The following LAMTOR2 variants were observed in gnomAD, a reference collection of about 807,000 sequenced individuals.
The protein encoded by LAMTOR2 is late endosomal/lysosomal adaptor, MAPK and MTOR activator 2.
LAMTOR2 carries 4 observed loss-of-function variants against 15.8 expected under a neutral mutation model. The observed-to-expected ratio is 0.25, with a 90% CI of 0.12 to 0.58. The LOEUF (loss-of-function observed/expected upper bound fraction) is 0.58, where lower values mean the gene tolerates loss of function less well. Among genes scored for constraint, LAMTOR2 ranks in the 20% least tolerant of loss-of-function variants. LAMTOR2 has a pLI of 0.91. For synonymous variants in LAMTOR2, 62 were observed against 64.1 expected (o/e 0.97, Z 0.15); for missense variants, 100 against 161.0 (o/e 0.62, Z 2.05).
Position 156,058,410 on chromosome 1 carries a change from C to T in LAMTOR2, c.*39C>T, listed in dbSNP as rs900515030. On this transcript the variant is annotated 3_prime_UTR_variant, in exon 4 of 4. Transcript: ENST00000368305. ...AGCTGGGGTCAGAAAAGAGAAATGA[C>T]CATTTGGAGGGGCGGGGCCTCCTAG... 2 of 1,611,356 alleles carry T rather than the reference C, an allele frequency of 1.2e-6. No individual in the cohort carries two copies. Among genetic ancestry groups the T allele is most frequent in the Non-Finnish European group, 1.7e-6 (2 of 1,177,590 alleles).
In LAMTOR2 at chr1:156,058,453, A is replaced by G. The variant is rs1395774537; in HGVS notation, c.*82A>G. 5.7e-6 allele frequency: 8 copies of G among 1,409,562 alleles called. No individual in the cohort carries two copies. In the South Asian group the frequency reaches 8.1e-5, roughly 14 times the overall value. The allele number at this position is 1,409,562 out of a possible 1,614,324, so 87.3% of individuals were successfully genotyped here. ...CCTCCTAGAAGAACCTTCTTAGACA[A>G]TGGGGGGAGGATGGGACTTTGTTTT... On this transcript the variant is annotated 3_prime_UTR_variant, in exon 4 of 4. Transcript: ENST00000368305.
chr1:156,057,967 A>T lies in LAMTOR2; in HGVS notation c.232-11A>T, dbSNP rs1245043204. 6.2e-7 allele frequency: 1 copy of T among 1,612,626 alleles called. No homozygotes were observed. The highest frequency in any genetic ancestry group is 8.5e-7 in the Non-Finnish European group (1 of 1,179,444). On this transcript the variant is annotated splice_polypyrimidine_tract_variant and intron_variant, in intron 2 of 3. Transcript: ENST00000368305. ...GCAGAACATCACATCCCATCATATCACCCCCACCAGGAGGGCCGTGTAGCC... is the reference window on the plus strand; with the variant it reads ...GCAGAACATCACATCCCATCATATCTCCCCCACCAGGAGGGCCGTGTAGCC...
At position 156,058,348 on chromosome 1, in the gene LAMTOR2, C is replaced by T. The variant is rs1198283062; in HGVS notation, c.355C>T (p.Leu119Phe). 1.2e-6 allele frequency: 2 copies of T among 1,614,092 alleles called. No homozygotes were observed. The highest frequency in any genetic ancestry group is 3.3e-5 in the Admixed American group (2 of 60,008). The change falls in exon 4 of 4, where the codon CTC becomes TTC. Residue 119 changes from leucine (L) to phenylalanine (F), a missense_variant. Physicochemically the swap from Leu to Phe is conservative, Grantham distance 22. Transcript: ENST00000368305. ...QALVQYLEEPLTQVAAS is the reference protein window; with the variant it reads ...QALVQYLEEPFTQVAAS Reference sequence around the variant, plus strand: ...TTTGGTGCAGTACCTGGAGGAGCCCCTCACCCAAGTGGCGGCATCTTAACG... The same window carrying T: ...TTTGGTGCAGTACCTGGAGGAGCCCTTCACCCAAGTGGCGGCATCTTAACG...
chr1:156,055,459 C>T lies in LAMTOR2; in HGVS notation c.231+34C>T. ...AGGGGAGCCAGACTTCCCCTGTCCC[C>T]CAAAGGGGATCCCAAGGGGGCGACC... On this transcript the variant is annotated intron_variant, in intron 2 of 3. Transcript: ENST00000368305. This position sits in a 1 kb window ranked among gnomAD's most constrained non-coding sequence, Gnocchi z 4.8. 1 of 1,613,304 alleles carries T rather than the reference C, an allele frequency of 6.2e-7. No individual in the cohort carries two copies. Among genetic ancestry groups the T allele is most frequent in the Non-Finnish European group, 8.5e-7 (1 of 1,179,414 alleles).
chr1:156,054,793 G>C lies in LAMTOR2; in HGVS notation c.-97G>C, dbSNP rs1647264788. Reference sequence around the variant, plus strand: ...AAACTACAACTCCCAGGGCGTCCCGGAGCAGGCCAACGGGACTACGGGAAG... The same window carrying C: ...AAACTACAACTCCCAGGGCGTCCCGCAGCAGGCCAACGGGACTACGGGAAG... On this transcript the variant is annotated 5_prime_UTR_variant, in exon 1 of 4. Coordinates refer to ENST00000368305, the MANE Select transcript of LAMTOR2 (RefSeq NM_014017.4). The C allele has an allele frequency of 8.0e-7, 1 of 1,243,226 alleles. No individual in the cohort carries two copies. Among genetic ancestry groups the C allele is most frequent in the Non-Finnish European group, 1.2e-6 (1 of 859,718 alleles). 77.0% of individuals were successfully genotyped at this position (1,243,226 alleles called of 1,614,324 possible).
intron 2 of LAMTOR2, among the ~76,000 whole-genome samples, chr1:156,057,713 AG>A (rs1022001200): frequency 2.0e-5 from 3 of 152,158 alleles, no homozygotes; most frequent in Non-Finnish European, 4.4e-5. Context: ...GGGATGAGGT[AG>A]GGATTACAGA....
intron 2 of LAMTOR2, among the ~76,000 whole-genome samples, chr1:156,056,797 T>G (rs1647385380): frequency 6.6e-6 from 1 of 152,186 alleles, no homozygotes; most frequent in South Asian, 2.1e-4. Flanking sequence ...CCATTTTTAG[T>G]TCAACATATG....
In LAMTOR2 at chr1:156,055,875, G is replaced by A. The variant is rs1647350890; in HGVS notation, c.231+450G>A. ...GAACCATGGCAGTCTCCAGACCCTAGTCCAACCCCTTAAGCTTTCAAAGAA... is the reference window on the plus strand; with the variant it reads ...GAACCATGGCAGTCTCCAGACCCTAATCCAACCCCTTAAGCTTTCAAAGAA... On this transcript the variant is annotated intron_variant, in intron 2 of 3. Transcript: ENST00000368305. The surrounding 1 kb of genome is among the most constrained non-coding windows in gnomAD (Gnocchi z 4.8). The A allele has an allele frequency of 4.7e-6, 1 of 211,534 alleles. No homozygotes were observed. The highest frequency in any genetic ancestry group is 7.5e-5 in the South Asian group (1 of 13,250). The allele number at this position is 211,534 out of a possible 1,614,324, so 13.1% of individuals were successfully genotyped here. A position where few individuals can be genotyped will look rare whatever the true frequency, so the allele number is the denominator to read the frequency against.
At position 156,055,700 on chromosome 1, in the gene LAMTOR2, T is replaced by C; in HGVS notation, c.231+275T>C. ...GGTAAGTCGCTTAACCTCTCTCAGC[T>C]TCCTTACCTCATGTTTAAGGAGAAG... On this transcript the variant is annotated intron_variant, in intron 2 of 3. Coordinates refer to ENST00000368305, the MANE Select transcript of LAMTOR2 (RefSeq NM_014017.4). The surrounding 1 kb of genome is among the most constrained non-coding windows in gnomAD (Gnocchi z 4.8). 2.0e-6 allele frequency: 1 copy of C among 496,288 alleles called. No individual in the cohort carries two copies. The highest frequency in any genetic ancestry group is 3.7e-6 in the Non-Finnish European group (1 of 271,730). The allele number at this position is 496,288 out of a possible 1,614,324, so 30.7% of individuals were successfully genotyped here. A position where few individuals can be genotyped will look rare whatever the true frequency, so the allele number is the denominator to read the frequency against.
chr1:156,055,096 T>C lies in LAMTOR2; in HGVS notation c.68+139T>C. On this transcript the variant is annotated intron_variant, in intron 1 of 3. Coordinates refer to ENST00000368305, the MANE Select transcript of LAMTOR2 (RefSeq NM_014017.4). This position sits in a 1 kb window ranked among gnomAD's most constrained non-coding sequence, Gnocchi z 4.8. Reference sequence around the variant, plus strand: ...GCGGCTGGGGATACCGGCCGGGAGGTCCCCTGTCGAAAAGGGAAGCCGGTG... The same window carrying C: ...GCGGCTGGGGATACCGGCCGGGAGGCCCCCTGTCGAAAAGGGAAGCCGGTG... 1 of 1,343,364 alleles carries C rather than the reference T, an allele frequency of 7.4e-7. No homozygotes were observed. Among genetic ancestry groups the C allele is most frequent in the Non-Finnish European group, 1.1e-6 (1 of 942,156 alleles). The allele number at this position is 1,343,364 out of a possible 1,614,324, so 83.2% of individuals were successfully genotyped here.
In LAMTOR2 at chr1:156,055,848, C is replaced by G. The variant is rs570810546; in HGVS notation, c.231+423C>G. 70 of 247,750 alleles carry G rather than the reference C, an allele frequency of 2.8e-4. No individual in the cohort carries two copies. The highest frequency in any genetic ancestry group is 1.4e-3 in the African/African-American group (66 of 45,692). 15.3% of individuals were successfully genotyped at this position (247,750 alleles called of 1,614,324 possible). A position where few individuals can be genotyped will look rare whatever the true frequency, so the allele number is the denominator to read the frequency against. ...TTGTCATCCCAGTTTCACCGACTCA[C>G]AGAACCATGGCAGTCTCCAGACCCT... On this transcript the variant is annotated intron_variant, in intron 2 of 3. Transcript: ENST00000368305. This position sits in a 1 kb window ranked among gnomAD's most constrained non-coding sequence, Gnocchi z 4.8.
At position 156,055,958 on chromosome 1, in the gene LAMTOR2, T is replaced by G. The variant is rs1426852518; in HGVS notation, c.231+533T>G. 5.8e-6 allele frequency: 1 copy of G among 171,770 alleles called. No individual in the cohort carries two copies. Among genetic ancestry groups the G allele is most frequent in the African/African-American group, 2.4e-5 (1 of 42,060 alleles). 10.6% of individuals were successfully genotyped at this position (171,770 alleles called of 1,614,324 possible). A position where few individuals can be genotyped will look rare whatever the true frequency, so the allele number is the denominator to read the frequency against. ...ATTAGATTGTGAACTTCTTAGTATCTGTTCGGTCGACAAGTATTTAGGTCC... is the reference window on the plus strand; with the variant it reads ...ATTAGATTGTGAACTTCTTAGTATCGGTTCGGTCGACAAGTATTTAGGTCC... On this transcript the variant is annotated intron_variant, in intron 2 of 3. Transcript: ENST00000368305. This position sits in a 1 kb window ranked among gnomAD's most constrained non-coding sequence, Gnocchi z 4.8.
Position 156,055,051 on chromosome 1 carries a change from A to C in LAMTOR2, c.68+94A>C, listed in dbSNP as rs1647290066. ...GGTGGGGAAGGATCACCAGGAAGGGAGGAAGCGGCAGAGGGGGCAGCGGCT... is the reference window on the plus strand; with the variant it reads ...GGTGGGGAAGGATCACCAGGAAGGGCGGAAGCGGCAGAGGGGGCAGCGGCT... On this transcript the variant is annotated intron_variant, in intron 1 of 3. Coordinates refer to ENST00000368305, the MANE Select transcript of LAMTOR2 (RefSeq NM_014017.4). This position sits in a 1 kb window ranked among gnomAD's most constrained non-coding sequence, Gnocchi z 4.8. The C allele has an allele frequency of 6.9e-7, 1 of 1,453,666 alleles. No homozygotes were observed. Among genetic ancestry groups the C allele is most frequent in the African/African-American group, 1.4e-5 (1 of 71,464 alleles). 90.0% of individuals were successfully genotyped at this position (1,453,666 alleles called of 1,614,324 possible). A position where few individuals can be genotyped will look rare whatever the true frequency, so the allele number is the denominator to read the frequency against.
chr1:156,057,054 T>A (rs947141925), intron 2 of LAMTOR2, among the ~76,000 whole-genome samples: 1 of 151,622 alleles, frequency 6.6e-6, no homozygotes, highest in Non-Finnish European at 1.5e-5. Flanking sequence ...GGTGCGTGCC[T>A]GTAATCCCAG....
chr1:156,055,407 C>A lies in LAMTOR2; in HGVS notation c.213C>A (p.Phe71Leu). The A allele has an allele frequency of 6.2e-7, 1 of 1,614,234 alleles. No homozygotes were observed. The highest frequency in any genetic ancestry group is 8.5e-7 in the Non-Finnish European group (1 of 1,180,046). ...CGTTTAATGAAGACAATCTCAAATT[C>A]ATCCTCATGGACTGCATGGTATGGA... Reference protein sequence around the residue: ...NQAFNEDNLKFILMDCMEGRV... With the variant: ...NQAFNEDNLKLILMDCMEGRV... Residue 71 changes from phenylalanine (F) to leucine (L), a missense_variant, in exon 2 of 4, where the codon TTC (phenylalanine) becomes TTA (leucine). Phe to Leu is a conservative substitution (Grantham distance 22). Transcript: ENST00000368305. The surrounding 1 kb of genome is among the most constrained non-coding windows in gnomAD (Gnocchi z 4.8).
rs1324696421 is a variant in LAMTOR2 at position 156,055,519 on chromosome 1, C to G, written c.231+94C>G. ...TCCTGGATGGTTGGAGGGGCAGGGACAGGATCTCCGGAAGATTACTAAGAG... is the reference window on the plus strand; with the variant it reads ...TCCTGGATGGTTGGAGGGGCAGGGAGAGGATCTCCGGAAGATTACTAAGAG... On this transcript the variant is annotated intron_variant, in intron 2 of 3. Transcript: ENST00000368305. This position sits in a 1 kb window ranked among gnomAD's most constrained non-coding sequence, Gnocchi z 4.8. 1 of 1,420,116 alleles carries G rather than the reference C, an allele frequency of 7.0e-7. No homozygotes were observed. Among genetic ancestry groups the G allele is most frequent in the Non-Finnish European group, 9.9e-7 (1 of 1,009,216 alleles). 88.0% of individuals were successfully genotyped at this position (1,420,116 alleles called of 1,614,324 possible).
At chr1:156,057,634 A>G (rs1476077143) in intron 2 of LAMTOR2, among the ~76,000 whole-genome samples, 2 of 152,152 alleles carry the variant, frequency 1.3e-5, no homozygotes, top group African/African-American at 4.8e-5. Flanking sequence ...AGCTCACAGT[A>G]ATAACATCAC....
chr1:156,057,554 TA>T (rs1314669663), intron 2 of LAMTOR2, among the ~76,000 whole-genome samples: 1 of 152,170 alleles, frequency 6.6e-6, no homozygotes, highest in Non-Finnish European at 1.5e-5. Context: ...TGAAAAACAT[TA>T]CCATGGGAAA....
chr1:156,055,160 C>A lies in LAMTOR2; in HGVS notation c.69-103C>A. 1 of 1,527,188 alleles carries A rather than the reference C, an allele frequency of 6.5e-7. No homozygotes were observed. Among genetic ancestry groups the A allele is most frequent in the South Asian group, 1.1e-5 (1 of 88,770 alleles). The allele number at this position is 1,527,188 out of a possible 1,614,324, so 94.6% of individuals were successfully genotyped here. The stretch of plus-strand genomic sequence containing the variant: ...GGGCATGTTCCGGGACACGCTCAGG[C>A]CAGAGCCTTGCTGGATGTGCCCTTG... On this transcript the variant is annotated intron_variant, in intron 1 of 3. Coordinates refer to ENST00000368305, the MANE Select transcript of LAMTOR2 (RefSeq NM_014017.4). The surrounding 1 kb of genome is among the most constrained non-coding windows in gnomAD (Gnocchi z 4.8).
Sources: allele counts gnomAD v4.1 joint callset (sites outside exome capture counted in the v4.1 genomes callset), GRCh38; gene constraint gnomAD v4.1.1; non-coding constraint Gnocchi (gnomAD v3.1); transcripts MANE v1.5; gene names NCBI Gene and HGNC (gene_info 2026-07-23, HGNC 2026-07-21).